LRP1B: variants seen among roughly 807,000 people sequenced by gnomAD.
LRP1B encodes LDL receptor related protein 1B, also known as low-density lipoprotein receptor-related protein 1B.
In LRP1B, 217 loss-of-function variants were observed where a neutral mutation model predicts 556.6. That is an observed-to-expected ratio of 0.39 (90% CI 0.35 to 0.44). The LOEUF (loss-of-function observed/expected upper bound fraction) is 0.44, where lower values mean the gene tolerates loss of function less well. Among genes scored for constraint, LRP1B ranks in the 20% least tolerant of loss-of-function variants. The probability of loss-of-function intolerance (pLI) is 1.00; values close to 1 mark genes in which losing one functional copy is unlikely to be tolerated. For missense variants in LRP1B, 5,053 were observed against 5,620.8 expected (o/e 0.90, Z 3.23); for synonymous variants, 2,047 against 1,865.8 (o/e 1.10, Z -2.50).
At chr2:141,960,773 T>G (rs1205436711) in intron 1 of LRP1B, among the ~76,000 whole-genome samples, 1 of 151,850 alleles carries the variant, frequency 6.6e-6, no homozygotes, top group Non-Finnish European at 1.5e-5. Flanking sequence ...TTCTATACAT[T>G]AAATAAAACA....
At chr2:140,972,943 G>GATATAT (rs10558342) in intron 18 of LRP1B, among the ~76,000 whole-genome samples, 1 of 145,578 alleles carries the variant, frequency 6.9e-6, no homozygotes, top group Non-Finnish European at 1.5e-5. Context: ...GCAGCTTTTT[G>GATATAT]ATATATATAT....
rs1032070843 is a variant in LRP1B, at chr2:141,767,594, C to G, written c.205+42685G>C. On this transcript the variant is annotated intron_variant, in intron 2 of 90. Transcript: ENST00000389484. ...AATTTTATAGCTTTATTCTATCACTCACTCTTTCCCTCAGGTTGCTAAATA... is the reference window on the plus strand; with the variant it reads ...AATTTTATAGCTTTATTCTATCACTGACTCTTTCCCTCAGGTTGCTAAATA... Among the ~76,000 whole-genome samples, 4 of 152,100 alleles carry G rather than the reference C, an allele frequency of 2.6e-5. No individual in the cohort carries two copies. In the East Asian group the frequency reaches 5.8e-4, roughly 22 times the overall value.
At chr2:141,032,826 C>CATATATATATATATATATATACATAT (rs71391641) in intron 11 of LRP1B, among the ~76,000 whole-genome samples, 3 of 126,664 alleles carry the variant, frequency 2.4e-5, no homozygotes. Context: ...TATATACATA[C>CATATATATATATATATATATACATAT]ATATATATAT....
intron 1 of LRP1B, among the ~76,000 whole-genome samples, chr2:141,865,146 C>G (rs1372749015): frequency 6.6e-6 from 1 of 152,102 alleles, no homozygotes; most frequent in East Asian, 1.9e-4. Context: ...TTCTTGTTCT[C>G]AAGATCTTGT....
chr2:140,923,688 A>G (rs1694807723), intron 20 of LRP1B, among the ~76,000 whole-genome samples: 1 of 152,044 alleles, frequency 6.6e-6, no homozygotes, highest in Admixed American at 6.6e-5. Context: ...AACAGGTAAT[A>G]AATGTAACTT....
intron 2 of LRP1B, among the ~76,000 whole-genome samples, chr2:141,808,258 C>A (rs972091755): frequency 1.3e-5 from 2 of 152,052 alleles, no homozygotes; most frequent in Admixed American, 1.3e-4. Flanking sequence ...AAATCTGTGT[C>A]ATGTCCTTGT....
At chr2:140,818,574 T>C (rs1382648404) in intron 31 of LRP1B, among the ~76,000 whole-genome samples, 1 of 152,140 alleles carries the variant, frequency 6.6e-6, no homozygotes, top group Non-Finnish European at 1.5e-5. Flanking sequence ...GGAGAAGGAT[T>C]CACTATTAGG....
chr2:141,324,786 G>A (rs1030884756), intron 3 of LRP1B, among the ~76,000 whole-genome samples: 1 of 151,976 alleles, frequency 6.6e-6, no homozygotes, highest in African/African-American at 2.4e-5. Flanking sequence ...TAATAAATGT[G>A]ATGCCAACAA....
intron 1 of LRP1B, among the ~76,000 whole-genome samples, chr2:141,865,581 G>T (rs1209190984): frequency 9.2e-6 from 1 of 109,208 alleles, no homozygotes; most frequent in African/African-American, 3.7e-5. Flanking sequence ...GACAGAGCGA[G>T]ACTCCGTCTC....
chr2:141,512,770 TAAA>T (rs34559448), intron 2 of LRP1B, among the ~76,000 whole-genome samples: 1 of 150,002 alleles, frequency 6.7e-6, no homozygotes, highest in Non-Finnish European at 1.5e-5. Context: ...CATCTTCAGT[TAAA>T]AAAAAAATCC....
At chr2:141,848,441 A>G (rs1390544448) in intron 1 of LRP1B, among the ~76,000 whole-genome samples, 1 of 151,516 alleles carries the variant, frequency 6.6e-6, no homozygotes, top group Admixed American at 6.6e-5. Context: ...AGTTAATGTT[A>G]GAATATGTTG....
At chr2:141,725,674 AT>A (rs1416153617) in intron 2 of LRP1B, among the ~76,000 whole-genome samples, 1 of 151,858 alleles carries the variant, frequency 6.6e-6, no homozygotes, top group Non-Finnish European at 1.5e-5. Context: ...GGTTGGCACA[AT>A]ATAGCAAATG....
At chr2:140,410,719 T>G (rs750389557) in intron 66 of LRP1B, among the ~76,000 whole-genome samples, 3 of 152,142 alleles carry the variant, frequency 2.0e-5, no homozygotes, top group Non-Finnish European at 4.4e-5. Flanking sequence ...AAATATTCCT[T>G]CAAGGTATAA....
chr2:140,708,590 ATG>A (rs1302150645), intron 37 of LRP1B, among the ~76,000 whole-genome samples: 1 of 146,058 alleles, frequency 6.8e-6, no homozygotes, highest in Non-Finnish European at 1.5e-5. Context: ...CATTTTATAT[ATG>A]TGTTTACACC....
chr2:141,453,755 T>C (rs1210690295), intron 3 of LRP1B, among the ~76,000 whole-genome samples: 1 of 151,884 alleles, frequency 6.6e-6, no homozygotes, highest in Non-Finnish European at 1.5e-5. Context: ...CTGTCTCTAC[T>C]GAGAATACAA....
In LRP1B at chr2:140,522,612, T is replaced by C. The variant is rs370794329; in HGVS notation, c.8026+3232A>G. Among the ~76,000 whole-genome samples, 8 of 151,420 alleles carry C rather than the reference T, an allele frequency of 5.3e-5. No homozygotes were observed. The East Asian group carries it at 7.8e-4, about 15-fold the overall frequency. On this transcript the variant is annotated intron_variant, in intron 49 of 90. Coordinates refer to ENST00000389484, the MANE Select transcript of LRP1B (RefSeq NM_018557.3). ...TGAGACCCCCAAAACTATACAAGGA[T>C]CAATGAAATAAAATGCTGGTTCTTT...
At chr2:141,470,260 C>A (rs1682411054) in intron 3 of LRP1B, among the ~76,000 whole-genome samples, 1 of 152,134 alleles carries the variant, frequency 6.6e-6, no homozygotes, top group Non-Finnish European at 1.5e-5. Context: ...TTCAAAGAGT[C>A]AAAATGAACA....
chr2:140,804,195 TATA>T (rs1215443483), intron 32 of LRP1B, among the ~76,000 whole-genome samples: 5 of 152,090 alleles, frequency 3.3e-5, no homozygotes, highest in Non-Finnish European at 1.5e-5. Flanking sequence ...CCCACCTTGT[TATA>T]ATAAGACAGC....
Position 141,251,756 on chromosome 2 carries a change from T to C in LRP1B, c.463+2766A>G, listed in dbSNP as rs141398907. 1.4e-4 allele frequency among the ~76,000 whole-genome samples: 21 copies of C among 151,986 alleles called. No homozygotes were observed. In the East Asian group the frequency reaches 4.1e-3, roughly 30 times the overall value. On this transcript the variant is annotated intron_variant, in intron 4 of 90. Coordinates refer to ENST00000389484, the MANE Select transcript of LRP1B (RefSeq NM_018557.3). ...AATAGTGAGAAGAGAAAGAGTAATT[T>C]GAGGAAGTAACACAAGATGGCACCC...
Sources: allele counts gnomAD v4.1 joint callset (sites outside exome capture counted in the v4.1 genomes callset), GRCh38; gene constraint gnomAD v4.1.1; transcripts MANE v1.5; gene names NCBI Gene and HGNC (gene_info 2026-07-23, HGNC 2026-07-21).